Variants in PLIN3 observed in about 807,000 individuals in gnomAD.
The protein encoded by PLIN3 is perilipin 3.
A neutral mutation model predicts 35.9 loss-of-function variants in PLIN3; 30 were observed. The observed-to-expected ratio is 0.84, with a 90% confidence interval of 0.62 to 1.13. PLIN3 has a LOEUF of 1.13. Ranked by LOEUF, PLIN3 falls within the 50% of genes most tolerant of loss-of-function variation. PLIN3 has a pLI of 0.00. For missense variants in PLIN3, 603 were observed against 596.9 expected, an observed-to-expected ratio of 1.01 and a Z score of -0.11; for synonymous variants, 261 against 262.5, an observed-to-expected ratio of 0.99 and a Z score of 0.06.
rs756337190 is a variant in PLIN3 at position 4,852,186 on chromosome 19, C to T, written c.464G>A (p.Arg155His). ...TQLSEAVDAT[R>H]GAVQSGVDKT... ...GTCCACGCCGCTCTGCACAGCACCGCGGGTCGCGTCCACCGCCTCCGACAA... is the reference window on the plus strand; with the variant it reads ...GTCCACGCCGCTCTGCACAGCACCGTGGGTCGCGTCCACCGCCTCCGACAA... The change falls in exon 5 of 8, where the codon CGC becomes CAC. Residue 155 changes from arginine (R) to histidine (H), a missense_variant. Physicochemically the swap from Arg to His is conservative, Grantham distance 29. Transcript: ENST00000221957. 66 of 1,613,360 alleles carry T rather than the reference C, an allele frequency of 4.1e-5. No individual in the cohort carries two copies. The highest frequency in any genetic ancestry group is 1.2e-4 in the Admixed American group (7 of 59,996).
Position 4,839,150 on chromosome 19 carries a change from T to C in PLIN3, c.*42A>G. The C allele has an allele frequency of 6.7e-7, 1 of 1,487,526 alleles. No individual in the cohort carries two copies. The highest frequency in any genetic ancestry group is 1.2e-5 in the South Asian group (1 of 81,228). The allele number at this position is 1,487,526 out of a possible 1,614,324, so 92.1% of individuals were successfully genotyped here. ...CGGGTTGAGGACTCCAGAGCACAGCTGCATTATAGAGACGGGGCCCGCTGA... is the reference window on the plus strand; with the variant it reads ...CGGGTTGAGGACTCCAGAGCACAGCCGCATTATAGAGACGGGGCCCGCTGA... On this transcript the variant is annotated 3_prime_UTR_variant, in exon 8 of 8. Transcript: ENST00000221957.
chr19:4,865,125 G>T (rs1414768759), intron 1 of PLIN3, among the ~76,000 whole-genome samples: 1 of 152,062 alleles, frequency 6.6e-6, no homozygotes. Flanking sequence ...CTGGGAGGCG[G>T]AGGTTGCAGT....
At chr19:4,845,642 C>T in intron 6 of PLIN3, among the ~76,000 whole-genome samples, 1 of 151,402 alleles carries the variant, frequency 6.6e-6, no homozygotes, top group Non-Finnish European at 1.5e-5. Flanking sequence ...GAAAAATAGT[C>T]GGCCGAGCGC....
chr19:4,847,653 G>A, intron 6 of PLIN3, 38 bp downstream of exon 6: 1 of 1,532,188 alleles, frequency 6.5e-7, no homozygotes, highest in Non-Finnish European at 8.9e-7. Context: ...GCGGGGTGAA[G>A]GCTGCTGGCT....
rs749047424 is a variant in PLIN3 at position 4,860,008 on chromosome 19, C to T, written c.83G>A (p.Arg28His). 20 of 1,614,068 alleles carry T rather than the reference C, an allele frequency of 1.2e-5. No homozygotes were observed. Among genetic ancestry groups the T allele is most frequent in the South Asian group, 5.5e-5 (5 of 91,080 alleles). ...EPVQQPSVVDRVASMPLISST... is the reference protein window; with the variant it reads ...EPVQQPSVVDHVASMPLISST... ...GCTGATCAGAGGCATGCTGGCCACA[C>T]GGTCCACCACACTGGGCTACAGGAG... The change falls in exon 3 of 8, where the codon CGT becomes CAT. Residue 28 changes from arginine to histidine, a missense_variant. Coordinates refer to ENST00000221957, the MANE Select transcript of PLIN3 (RefSeq NM_005817.5).
rs548860684 is a variant in PLIN3, at chr19:4,854,674, C to T, written c.349-2373G>A. On this transcript the variant is annotated intron_variant, in intron 4 of 7. Coordinates refer to ENST00000221957, the MANE Select transcript of PLIN3 (RefSeq NM_005817.5). ...TAACAGCCCCACTACTCAGTGAACA[C>T]GCACGTTCTCACACTGGCCCGGATT... is the stretch of plus-strand genomic sequence containing the variant. Among the ~76,000 whole-genome samples, 7 of 152,186 alleles carry T rather than the reference C, an allele frequency of 4.6e-5. No individual in the cohort carries two copies. In the South Asian group the frequency reaches 1.2e-3, roughly 27 times the overall value.
At chr19:4,866,330 T>C (rs773818947) in intron 1 of PLIN3, among the ~76,000 whole-genome samples, 1 of 152,158 alleles carries the variant, frequency 6.6e-6, no homozygotes, top group Non-Finnish European at 1.5e-5. Context: ...GAATGGGTTC[T>C]AATCCCAGCT....
intron 7 of PLIN3, among the ~76,000 whole-genome samples, chr19:4,843,000 C>T (rs1243516563): frequency 2.0e-5 from 3 of 151,784 alleles, no homozygotes; most frequent in Non-Finnish European, 4.4e-5. Context: ...GTGGGCGGAT[C>T]ACCTGCGGTC....
At chr19:4,866,361 G>T (rs1488775704) in intron 1 of PLIN3, among the ~76,000 whole-genome samples, 1 of 152,164 alleles carries the variant, frequency 6.6e-6, no homozygotes, top group Non-Finnish European at 1.5e-5. Flanking sequence ...CTAGGAATAG[G>T]AGTTTGGGAA....
chr19:4,847,530 T>A (rs1015284417), intron 6 of PLIN3, among the ~76,000 whole-genome samples, 161 bp downstream of exon 6: 1 of 152,008 alleles, frequency 6.6e-6, no homozygotes, highest in African/African-American at 2.4e-5. Context: ...TGTGGCAGCA[T>A]CCTGAGCAAA....
At chr19:4,846,347 G>A (rs1295322999) in intron 6 of PLIN3, among the ~76,000 whole-genome samples, 1 of 146,198 alleles carries the variant, frequency 6.8e-6, no homozygotes, top group Non-Finnish European at 1.5e-5. Flanking sequence ...CGTCATAAAG[G>A]TAAATGAAGC....
intron 1 of PLIN3, chr19:4,867,095 C>G (rs558032028): frequency 1.2e-4 from 19 of 152,426 alleles, no homozygotes; most frequent in African/African-American, 4.3e-4. Context: ...CAGGCTTTGC[C>G]CAAGACCTCC....
chr19:4,840,125 G>A (rs566445226), intron 7 of PLIN3, among the ~76,000 whole-genome samples: 4 of 151,736 alleles, frequency 2.6e-5, no homozygotes, highest in South Asian at 2.1e-4. Flanking sequence ...GTGCCACCAC[G>A]CCCGTCTAAC....
At position 4,858,323 on chromosome 19, in the gene PLIN3, T is replaced by C. The variant is rs1370599751; in HGVS notation, c.348+1267A>G. Among the ~76,000 whole-genome samples the C allele has an allele frequency of 2.0e-5, 3 of 149,168 alleles. No individual in the cohort carries two copies. The Admixed American group carries it at 2.0e-4, about 10-fold the overall frequency. ...AGGCCCACAGAGGCAAAGTAACTTG[T>C]GTGAGGGCCACCCAGCTGCTGAGGG... is the stretch of plus-strand genomic sequence containing the variant. On this transcript the variant is annotated intron_variant, in intron 4 of 7. Coordinates refer to ENST00000221957, the MANE Select transcript of PLIN3 (RefSeq NM_005817.5).
chr19:4,852,011 C>G lies in PLIN3; in HGVS notation c.634+5G>C. The G allele has an allele frequency of 6.2e-7, 1 of 1,612,384 alleles. No homozygotes were observed. The highest frequency in any genetic ancestry group is 8.5e-7 in the Non-Finnish European group (1 of 1,179,200). ...GTCCCAGAGCAGCCCGCTGGCCACA[C>G]TTACCCAGTTCGGCATCCGTAAGGG... On this transcript the variant is annotated splice_donor_5th_base_variant and intron_variant, in intron 5 of 7. Coordinates refer to ENST00000221957, the MANE Select transcript of PLIN3 (RefSeq NM_005817.5).
At chr19:4,861,448 GC>G in intron 1 of PLIN3, 37 bp from the exon 2 acceptor site, 1 of 1,466,188 alleles carries the variant, frequency 6.8e-7, no homozygotes, top group Non-Finnish European at 9.5e-7. Flanking sequence ...AGCCTGCCTG[GC>G]CCCACCTTCC....
At chr19:4,847,668 G>A (rs1190297520) in intron 6 of PLIN3, 23 bp downstream of exon 6, 3 of 1,564,592 alleles carry the variant, frequency 1.9e-6, no homozygotes, top group Non-Finnish European at 2.6e-6. Flanking sequence ...CTGGCTCAGG[G>A]CCCCGACCCC....
intron 5 of PLIN3, 120 bp downstream of exon 5, chr19:4,851,896 G>C: frequency 9.5e-7 from 1 of 1,052,172 alleles, no homozygotes; most frequent in South Asian, 1.5e-5. Context: ...CAAGATGCCC[G>C]GGAGAAGTGG....
At chr19:4,840,658 A>C (rs1345275101) in intron 7 of PLIN3, among the ~76,000 whole-genome samples, 1 of 152,200 alleles carries the variant, frequency 6.6e-6, no homozygotes, top group African/African-American at 2.4e-5. Flanking sequence ...ATGCAAATCA[A>C]AACCATAAGG....
Sources: allele counts gnomAD v4.1 joint callset (sites outside exome capture counted in the v4.1 genomes callset), GRCh38; gene constraint gnomAD v4.1.1; transcripts MANE v1.5; gene names NCBI Gene and HGNC (gene_info 2026-07-23, HGNC 2026-07-21).